The following EXOC4 variants were observed in gnomAD, a reference collection of about 807,000 sequenced individuals.
The protein encoded by EXOC4 is SEC8-like 1.
A neutral mutation model predicts 107.2 loss-of-function variants in EXOC4; 71 were observed. That is an observed-to-expected ratio of 0.66 (90% CI 0.55 to 0.81). The LOEUF (loss-of-function observed/expected upper bound fraction) is 0.81, where lower values mean the gene tolerates loss of function less well. Ranked by LOEUF, EXOC4 falls within the 30% of genes least tolerant of loss-of-function variation. The pLI is 0.00. For missense variants in EXOC4, 1,108 were observed against 1,189.6 expected (o/e 0.93, Z 1.01); for synonymous variants, 456 against 441.2 (o/e 1.03, Z -0.42).
intron 9 of EXOC4, among the ~76,000 whole-genome samples, chr7:133,564,187 A>G (rs1038918102): frequency 4.6e-5 from 7 of 152,178 alleles, no homozygotes; most frequent in African/African-American, 1.7e-4. Context: ...CTGTATGGGA[A>G]GCATAGCAGC....
At chr7:134,073,372 C>G in the EXOC4 span, among the ~76,000 whole-genome samples, 2 of 151,858 alleles carry the variant, frequency 1.3e-5, no homozygotes, top group African/African-American at 4.8e-5. Context: ...GTTTCAGCCC[C>G]CTCCCCACAC....
chr7:134,026,435 C>T (rs1318251668), intron 17 of EXOC4, among the ~76,000 whole-genome samples: 1 of 151,402 alleles, frequency 6.6e-6, no homozygotes, highest in Non-Finnish European at 1.5e-5. Context: ...CACCCACCTG[C>T]ACCTGTGGTG....
chr7:133,464,811 G>GTTTTTTTTTTTTTTTTT (rs3046149), intron 7 of EXOC4, among the ~76,000 whole-genome samples: 1 of 51,296 alleles, frequency 1.9e-5, no homozygotes, highest in Non-Finnish European at 3.3e-5. Flanking sequence ...GGTTGGGTTG[G>GTTTTTTTTTTTTTTTTT]TTTTTTTTTT....
chr7:133,339,299 T>A (rs2150622415), intron 5 of EXOC4, among the ~76,000 whole-genome samples: 1 of 152,314 alleles, frequency 6.6e-6, no homozygotes, highest in East Asian at 1.9e-4. Flanking sequence ...GTTTGCTTTG[T>A]CAAAGATCAG....
chr7:133,701,793 TCATATACAC>T (rs912954954), intron 10 of EXOC4, among the ~76,000 whole-genome samples: 1 of 152,136 alleles, frequency 6.6e-6, no homozygotes, highest in African/African-American at 2.4e-5. Context: ...TCATTTATTT[TCATATACAC>T]CATATACACA....
chr7:134,073,227 A>AAAAAAAAAAAAAAAAAAAAG, the EXOC4 span, among the ~76,000 whole-genome samples: 1 of 18,114 alleles, frequency 5.5e-5, no homozygotes, highest in African/African-American at 2.8e-4. Flanking sequence ...AAAAAAAAAA[A>AAAAAAAAAAAAAAAAAAAAG]AAAAACAACA....
At chr7:133,987,447 G>A (rs1389730295) in intron 14 of EXOC4, among the ~76,000 whole-genome samples, 1 of 151,764 alleles carries the variant, frequency 6.6e-6, no homozygotes, top group African/African-American at 2.4e-5. Flanking sequence ...AGAGATGGAA[G>A]GAGGGAAGGA....
intron 10 of EXOC4, among the ~76,000 whole-genome samples, chr7:133,676,770 T>C (rs1188652692): frequency 6.6e-6 from 1 of 152,188 alleles, no homozygotes; most frequent in Non-Finnish European, 1.5e-5. Context: ...TTGAGCTATT[T>C]ATTTTCCTAT....
chr7:133,942,999 C>T (rs1022167005), intron 14 of EXOC4, among the ~76,000 whole-genome samples: 1 of 152,028 alleles, frequency 6.6e-6, no homozygotes, highest in African/African-American at 2.4e-5. Context: ...ATTGCATTGC[C>T]CTATATATTA....
At chr7:133,432,097 A>G (rs1797869262) in intron 7 of EXOC4, among the ~76,000 whole-genome samples, 1 of 152,178 alleles carries the variant, frequency 6.6e-6, no homozygotes, top group South Asian at 2.1e-4. Context: ...CTATGATCAT[A>G]ATTGTGTTCC....
intron 9 of EXOC4, among the ~76,000 whole-genome samples, chr7:133,519,618 C>G (rs1799944184): frequency 6.6e-6 from 1 of 151,790 alleles, no homozygotes; most frequent in Non-Finnish European, 1.5e-5. Context: ...GAAAAAAAGC[C>G]AAAGAGGAAT....
Position 133,483,550 on chromosome 7 carries a change from C to G in EXOC4, c.1417+3412C>G, listed in dbSNP as rs1799204583. ...TAATTGAAATATGGGCTTTCAAGCA[C>G]AAGTCGATTGAACTTACCAGTTTTC... On this transcript the variant is annotated intron_variant, in intron 9 of 17. Transcript: ENST00000253861. Among the ~76,000 whole-genome samples the G allele has an allele frequency of 2.0e-5, 3 of 152,158 alleles. No individual in the cohort carries two copies. The South Asian group carries it at 6.2e-4, about 31-fold the overall frequency.
At chr7:133,816,191 C>G (rs1797364421) in intron 10 of EXOC4, among the ~76,000 whole-genome samples, 1 of 152,130 alleles carries the variant, frequency 6.6e-6, no homozygotes, top group South Asian at 2.1e-4. Context: ...ACTGTGGTGA[C>G]TACACTGTGG....
intron 1 of EXOC4, among the ~76,000 whole-genome samples, chr7:133,268,837 A>G (rs1468056086): frequency 1.3e-5 from 2 of 152,196 alleles, no homozygotes; most frequent in Non-Finnish European, 2.9e-5. Context: ...AGGTAAATAA[A>G]TTCCTTCCTG....
rs534519805 is a variant in EXOC4 at position 133,659,909 on chromosome 7, C to T, written c.1514+29768C>T. Among the ~76,000 whole-genome samples, 6 of 152,286 alleles carry T rather than the reference C, an allele frequency of 3.9e-5. No individual in the cohort carries two copies. The East Asian group carries it at 5.8e-4, about 15-fold the overall frequency. The stretch of plus-strand genomic sequence containing the variant: ...TTGCTTCTTAAGCAGGCTTCATTTA[C>T]GTGGATAATTCCCAGAGATCAGTAA... On this transcript the variant is annotated intron_variant, in intron 10 of 17. Coordinates refer to ENST00000253861, the MANE Select transcript of EXOC4 (RefSeq NM_021807.4).
intron 1 of EXOC4, among the ~76,000 whole-genome samples, chr7:133,270,152 C>G (rs1201042352): frequency 6.6e-6 from 1 of 152,152 alleles, no homozygotes; most frequent in Non-Finnish European, 1.5e-5. Flanking sequence ...GCTCTATTCT[C>G]TTGTCTGCTG....
chr7:133,647,638 G>C (rs964965610), intron 10 of EXOC4, among the ~76,000 whole-genome samples: 1 of 152,074 alleles, frequency 6.6e-6, no homozygotes, highest in African/African-American at 2.4e-5. Flanking sequence ...ACCCTTACCA[G>C]AGGAGGCTCA....
chr7:133,428,373 G>T (rs1797774975), intron 7 of EXOC4, among the ~76,000 whole-genome samples: 1 of 152,132 alleles, frequency 6.6e-6, no homozygotes, highest in Non-Finnish European at 1.5e-5. Flanking sequence ...CTTTGACTTT[G>T]TTCTCTATTG....
chr7:133,961,280 C>CTT lies in EXOC4; in HGVS notation c.2206+23234_2206+23235dup, dbSNP rs34400471. ...TTAAACCAATGAGACTCATGTCAAA[C>CTT]TTTTTTTTTTTTTTTTTTTTTTTTG... On this transcript the variant is annotated intron_variant, in intron 14 of 17. Coordinates refer to ENST00000253861, the MANE Select transcript of EXOC4 (RefSeq NM_021807.4). 2.8e-3 allele frequency among the ~76,000 whole-genome samples: 217 copies of CTT among 76,992 alleles called. 7 individuals carry two copies. Among genetic ancestry groups the CTT allele is most frequent in the African/African-American group, 3.2e-3 (58 of 18,342 alleles). 50.5% of individuals were successfully genotyped at this position (76,992 alleles called of 152,430 possible). A position where few individuals can be genotyped will look rare whatever the true frequency, so the allele number is the denominator to read the frequency against.
Sources: allele counts gnomAD v4.1 joint callset (sites outside exome capture counted in the v4.1 genomes callset), GRCh38; gene constraint gnomAD v4.1.1; transcripts MANE v1.5; gene names NCBI Gene and HGNC (gene_info 2026-07-23, HGNC 2026-07-21).